ABCA5: variants seen among roughly 807,000 people sequenced by gnomAD.
The protein encoded by ABCA5 is cholesterol transporter ABCA5.
In ABCA5, 163 loss-of-function variants were observed where a neutral mutation model predicts 206.0. The ratio of observed to expected loss-of-function variants is 0.79; its 90% CI spans 0.70 to 0.90. The LOEUF (loss-of-function observed/expected upper bound fraction) is 0.90, where lower values mean the gene tolerates loss of function less well. ABCA5 is among the 40% of genes least tolerant of loss of function. The pLI, the probability that ABCA5 is intolerant of heterozygous loss-of-function variation, is 0.00. For missense variants in ABCA5, 1,859 were observed against 1,912.9 expected (o/e 0.97, Z 0.53); for synonymous variants, 609 against 613.8 (o/e 0.99, Z 0.11).
chr17:69,291,610 T>G (rs535604287), intron 11 of ABCA5, among the ~76,000 whole-genome samples: 2 of 152,166 alleles, frequency 1.3e-5, no homozygotes, highest in African/African-American at 4.8e-5. Context: ...GAATTACCAA[T>G]GGAACCAATG....
At chr17:69,313,065 C>T (rs1260574322) in intron 3 of ABCA5, 27 bp downstream of exon 3, 4 of 1,485,870 alleles carry the variant, frequency 2.7e-6, no homozygotes, top group Non-Finnish European at 1.8e-6. Context: ...ATATTATAAA[C>T]AGAATATATA....
chr17:69,257,174 A>G (rs1372517699), intron 28 of ABCA5, among the ~76,000 whole-genome samples: 1 of 152,066 alleles, frequency 6.6e-6, no homozygotes, highest in African/African-American at 2.4e-5. Context: ...ACACCAGCCT[A>G]GCCACCATGG....
chr17:69,256,260 T>G lies in ABCA5; in HGVS notation c.3755A>C (p.Asn1252Thr), dbSNP rs768384276. The change falls in exon 29 of 39, where the codon AAT becomes ACT. Residue 1252 changes from asparagine to threonine, a missense_variant. By Grantham distance (65) the Asn-to-Thr change is moderately conservative. Transcript: ENST00000392676. ...GTCTGGTGGTTCTGGAAGCTTCCTATTTTTAGACTTCGTTGAAAGGTTTCT... is the reference window on the plus strand; with the variant it reads ...GTCTGGTGGTTCTGGAAGCTTCCTAGTTTTAGACTTCGTTGAAAGGTTTCT... ...FFRNLSTKSK[N>T]RKLPEPPDNE... The G allele has an allele frequency of 6.2e-7, 1 of 1,601,588 alleles. No individual in the cohort carries two copies. Among genetic ancestry groups the G allele is most frequent in the African/African-American group, 1.3e-5 (1 of 74,332 alleles).
intron 3 of ABCA5, among the ~76,000 whole-genome samples, chr17:69,311,625 G>T (rs1255152887): frequency 6.6e-6 from 1 of 152,058 alleles, no homozygotes; most frequent in Admixed American, 6.6e-5. Flanking sequence ...AAGTAGCTGG[G>T]ACTACAGGCA....
At chr17:69,266,805 T>C (rs1449235935) in intron 23 of ABCA5, among the ~76,000 whole-genome samples, 1 of 122,168 alleles carries the variant, frequency 8.2e-6, no homozygotes, top group Non-Finnish European at 1.9e-5. Flanking sequence ...AATAGAGATA[T>C]GTGTTACTTT....
At chr17:69,321,105 G>A (rs2075861583) in intron 1 of ABCA5, among the ~76,000 whole-genome samples, 1 of 152,182 alleles carries the variant, frequency 6.6e-6, no homozygotes, top group Non-Finnish European at 1.5e-5. Context: ...AATCCCAAAG[G>A]ACAATACTGA....
intron 11 of ABCA5, among the ~76,000 whole-genome samples, chr17:69,293,514 G>A (rs954992488): frequency 1.3e-5 from 2 of 152,148 alleles, no homozygotes; most frequent in Admixed American, 6.5e-5. Context: ...AGTTGCTGTA[G>A]ATGTCATTAA....
At chr17:69,291,992 C>T (rs2075532359) in intron 11 of ABCA5, among the ~76,000 whole-genome samples, 1 of 151,948 alleles carries the variant, frequency 6.6e-6, no homozygotes, top group Admixed American at 6.6e-5. Flanking sequence ...ACCTGTAGTC[C>T]CAGCTACTCG....
intron 16 of ABCA5, 85 bp from the exon 17 acceptor site, chr17:69,286,122 C>T: frequency 6.5e-7 from 1 of 1,549,734 alleles, no homozygotes; most frequent in South Asian, 1.2e-5. Context: ...AAATTTAGTA[C>T]CATAAATGAT....
At chr17:69,278,706 C>T (rs1161196509) in intron 18 of ABCA5, among the ~76,000 whole-genome samples, 2 of 151,914 alleles carry the variant, frequency 1.3e-5, no homozygotes, top group African/African-American at 2.4e-5. Context: ...TTAAACATTC[C>T]AAATGTATTT....
chr17:69,250,858 C>G (rs577598696), intron 35 of ABCA5: 1 of 253,440 alleles, frequency 3.9e-6, no homozygotes, highest in African/African-American at 2.3e-5. Flanking sequence ...CATTCCTTGT[C>G]ACTGAACTCC....
At chr17:69,254,230 G>C in intron 32 of ABCA5, 85 bp downstream of exon 32, 1 of 1,137,642 alleles carries the variant, frequency 8.8e-7, no homozygotes, top group Non-Finnish European at 1.2e-6. Flanking sequence ...ATTGTCCACA[G>C]AAATGCTTGT....
Position 69,271,240 on chromosome 17 carries a change from C to T in ABCA5, c.2814G>A (p.Met938Ile), listed in dbSNP as rs753672853. The T allele has an allele frequency of 3.7e-6, 6 of 1,613,334 alleles. No individual in the cohort carries two copies. In the African/African-American group the frequency reaches 4.0e-5, roughly 11 times the overall value. Residue 938 changes from methionine to isoleucine, a missense_variant, in exon 21 of 39, where the codon ATG becomes ATA. Coordinates refer to ENST00000392676, the MANE Select transcript of ABCA5 (RefSeq NM_172232.4). ...LISFFTSQNI[M>I]VTMINDSDYV... ...AGTCACTGTCATTAATCATCGTCAC[C>T]ATTATGTTCTGGCTTGTGAAAAAGC...
chr17:69,274,599 AAAAAAT>A (rs1013300576), intron 19 of ABCA5, among the ~76,000 whole-genome samples: 31 of 152,126 alleles, frequency 2.0e-4, no homozygotes, highest in South Asian at 1.2e-3. Flanking sequence ...AACTGAAAAA[AAAAAAT>A]AAGAAATCGT....
At chr17:69,268,356 T>G (rs1224711708) in intron 22 of ABCA5, among the ~76,000 whole-genome samples, 1 of 152,104 alleles carries the variant, frequency 6.6e-6, no homozygotes, top group Non-Finnish European at 1.5e-5. Context: ...GCTTCACAAT[T>G]TCATAAAAAT....
chr17:69,249,655 C>A, intron 37 of ABCA5: 1 of 430,108 alleles, frequency 2.3e-6, no homozygotes, highest in South Asian at 7.5e-5. Flanking sequence ...CTACAAAATC[C>A]CTATGACATT....
At chr17:69,287,816 T>C in intron 14 of ABCA5, 65 bp from the exon 15 acceptor site, 8 of 1,429,340 alleles carry the variant, frequency 5.6e-6, no homozygotes, top group Non-Finnish European at 6.5e-6. Context: ...AACAGGCATG[T>C]GGACACTAAA....
Position 69,302,771 on chromosome 17 carries a change from C to A in ABCA5, c.1066G>T (p.Val356Leu). 6.3e-7 allele frequency: 1 copy of A among 1,599,046 alleles called. No individual in the cohort carries two copies. The highest frequency in any genetic ancestry group is 8.5e-7 in the Non-Finnish European group (1 of 1,176,158). ...TGACAGAAAGGACTGAAAAGCCACA[C>A]TAACGATTTGGGAAAACTTTCTATG... The part of the protein sequence containing the change: ...ILIESFPKSL[V>L]WLFSPFCHCT... The change falls in exon 8 of 39, where the codon GTG (valine) becomes TTG (leucine). Residue 356 changes from valine to leucine, a missense_variant. By Grantham distance (32) the Val-to-Leu change is conservative. Coordinates refer to ENST00000392676, the MANE Select transcript of ABCA5 (RefSeq NM_172232.4).
chr17:69,249,860 T>C (rs754682534), intron 37 of ABCA5, 45 bp downstream of exon 37: 7 of 1,536,464 alleles, frequency 4.6e-6, no homozygotes, highest in Non-Finnish European at 6.2e-6. Flanking sequence ...GGACTGAACA[T>C]CTTCCTTAGG....
Sources: allele counts gnomAD v4.1 joint callset (sites outside exome capture counted in the v4.1 genomes callset), GRCh38; gene constraint gnomAD v4.1.1; transcripts MANE v1.5; gene names NCBI Gene and HGNC (gene_info 2026-07-23, HGNC 2026-07-21).